Variants in PTPRR observed in about 807,000 individuals in gnomAD.
The protein encoded by PTPRR is receptor-type tyrosine-protein phosphatase R.
A neutral mutation model predicts 77.2 loss-of-function variants in PTPRR; 38 were observed. The observed-to-expected ratio is 0.49, with a 90% CI of 0.38 to 0.65. The LOEUF (loss-of-function observed/expected upper bound fraction) is 0.65, where lower values mean the gene tolerates loss of function less well. Among genes scored for constraint, PTPRR ranks in the 30% least tolerant of loss-of-function variants. The pLI, the probability that PTPRR is intolerant of heterozygous loss-of-function variation, is 0.00. For synonymous variants in PTPRR, 299 were observed against 283.1 expected, an observed-to-expected ratio of 1.06 and a Z score of -0.57; for missense variants, 744 against 799.2, an observed-to-expected ratio of 0.93 and a Z score of 0.83.
At chr12:70,858,160 T>C (rs2137075929) in intron 2 of PTPRR, among the ~76,000 whole-genome samples, 1 of 152,248 alleles carries the variant, frequency 6.6e-6, no homozygotes, top group Non-Finnish European at 1.5e-5. Context: ...TACACTGCAG[T>C]GTGAGGCTCT....
intron 2 of PTPRR, among the ~76,000 whole-genome samples, chr12:70,794,989 A>G (rs559708528): frequency 1.0e-3 from 152 of 152,274 alleles, no homozygotes; most frequent in African/African-American, 3.3e-3. Flanking sequence ...GAGAAGGGCT[A>G]GAGATCTAGT....
chr12:70,681,363 G>A (rs539005201), intron 10 of PTPRR, among the ~76,000 whole-genome samples: 1 of 152,356 alleles, frequency 6.6e-6, no homozygotes, highest in East Asian at 1.9e-4. Context: ...CAGCCATGTG[G>A]CTGTCAGGCA....
chr12:70,684,529 C>T (rs1887789727), intron 9 of PTPRR, among the ~76,000 whole-genome samples, 175 bp downstream of exon 9: 1 of 152,066 alleles, frequency 6.6e-6, no homozygotes, highest in African/African-American at 2.4e-5. Flanking sequence ...AAAGGAAAGT[C>T]ATCATAAAAG....
chr12:70,858,729 G>A (rs375622686), intron 2 of PTPRR, among the ~76,000 whole-genome samples: 17 of 151,790 alleles, frequency 1.1e-4, no homozygotes, highest in East Asian at 1.9e-4. Flanking sequence ...AGATGAAGCC[G>A]AGTGTCCAAC....
chr12:70,902,019 A>G (rs1893543643), intron 1 of PTPRR, among the ~76,000 whole-genome samples: 1 of 151,870 alleles, frequency 6.6e-6, no homozygotes, highest in South Asian at 2.1e-4. Flanking sequence ...TGAATAGACA[A>G]TTCTCAAAAG....
intron 1 of PTPRR, among the ~76,000 whole-genome samples, chr12:70,910,541 T>G (rs938233018): frequency 6.6e-6 from 1 of 152,220 alleles, no homozygotes; most frequent in African/African-American, 2.4e-5. Flanking sequence ...CCATATGAAA[T>G]TCAATGCTTG....
chr12:70,872,471 G>C (rs1313002548), intron 2 of PTPRR, among the ~76,000 whole-genome samples: 1 of 151,886 alleles, frequency 6.6e-6, no homozygotes, highest in South Asian at 2.1e-4. Flanking sequence ...CGAGGCAGGC[G>C]GATCATGAGG....
At position 70,801,561 on chromosome 12, in the gene PTPRR, C is replaced by G. The variant is rs770018316; in HGVS notation, c.358-36783G>C. On this transcript the variant is annotated intron_variant, in intron 2 of 13. Transcript: ENST00000283228. ...ATTCAGATTCGAACTTACACCATTGCCTTTCTTGGTTCTCATGTCTTTGGA... is the reference window on the plus strand; with the variant it reads ...ATTCAGATTCGAACTTACACCATTGGCTTTCTTGGTTCTCATGTCTTTGGA... 7.2e-5 allele frequency among the ~76,000 whole-genome samples: 11 copies of G among 152,178 alleles called. No individual in the cohort carries two copies. In the South Asian group the frequency reaches 1.0e-3, roughly 14 times the overall value.
At chr12:70,851,529 A>C (rs1051497207) in intron 2 of PTPRR, among the ~76,000 whole-genome samples, 2 of 152,140 alleles carry the variant, frequency 1.3e-5, no homozygotes, top group Non-Finnish European at 2.9e-5. Context: ...TTCACTGCCT[A>C]TCTCTCCTTG....
chr12:70,880,298 T>C (rs762857317), intron 2 of PTPRR, among the ~76,000 whole-genome samples: 29 of 152,184 alleles, frequency 1.9e-4, no homozygotes, highest in South Asian at 4.1e-4. Context: ...AGATGCTAAC[T>C]TAGTCATTGA....
At chr12:70,660,874 C>A in intron 12 of PTPRR, 66 bp downstream of exon 12, 25 of 1,472,510 alleles carry the variant, frequency 1.7e-5, no homozygotes, top group Non-Finnish European at 2.2e-5. Flanking sequence ...AACCCACTTG[C>A]ACCTGCTCTG....
At chr12:70,701,085 C>T (rs1169974621) in intron 7 of PTPRR, 52 bp downstream of exon 7, 21 of 1,580,726 alleles carry the variant, frequency 1.3e-5, no homozygotes, top group Non-Finnish European at 1.8e-5. Flanking sequence ...GTCTCTAGTG[C>T]CCCATGTATC....
intron 2 of PTPRR, among the ~76,000 whole-genome samples, chr12:70,784,458 C>T (rs11178418): frequency 0.076 from 11,553 of 152,240 alleles, 506 homozygotes; most frequent in Middle Eastern, 0.11. Flanking sequence ...CGGAGCTCCC[C>T]CTGTGGCCCG....
intron 2 of PTPRR, among the ~76,000 whole-genome samples, chr12:70,765,188 G>C (rs1205125045): frequency 6.6e-6 from 1 of 152,176 alleles, no homozygotes; most frequent in Non-Finnish European, 1.5e-5. Flanking sequence ...CACCGTGCAC[G>C]AGCCGAAGCA....
At chr12:70,686,045 C>CTT (rs753338893) in intron 8 of PTPRR, among the ~76,000 whole-genome samples, 2 of 152,156 alleles carry the variant, frequency 1.3e-5, no homozygotes, top group Non-Finnish European at 2.9e-5. Flanking sequence ...AATGTTATAT[C>CTT]CTAGTGGTTG....
chr12:70,667,729 A>G (rs539065787), intron 10 of PTPRR, among the ~76,000 whole-genome samples: 55 of 152,232 alleles, frequency 3.6e-4, no homozygotes, highest in Non-Finnish European at 6.3e-4. Flanking sequence ...CAGCGACAGC[A>G]TTCATAATAT....
intron 2 of PTPRR, among the ~76,000 whole-genome samples, chr12:70,794,087 G>A (rs1451122442): frequency 6.6e-6 from 1 of 152,132 alleles, no homozygotes; most frequent in Non-Finnish European, 1.5e-5. Flanking sequence ...GGAGAAGATG[G>A]TAGCTAGTTA....
At chr12:70,716,816 C>A (rs1889049312) in intron 6 of PTPRR, among the ~76,000 whole-genome samples, 1 of 152,182 alleles carries the variant, frequency 6.6e-6, no homozygotes. Flanking sequence ...CCACTGCACT[C>A]TAGCCTGGGG....
At chr12:70,639,588 G>A in intron 13 of PTPRR, 5 of 932,776 alleles carry the variant, frequency 5.4e-6, no homozygotes, top group Non-Finnish European at 6.6e-6. Flanking sequence ...CAGCCAAGGT[G>A]AGTTCAAATC....
Sources: gnomAD v4.1 joint callset for allele counts (sites outside exome capture counted in the v4.1 genomes callset) on GRCh38, gnomAD v4.1.1 for gene constraint, MANE v1.5 for transcripts, NCBI Gene and HGNC (gene_info 2026-07-23, HGNC 2026-07-21) for gene names.